The following PCF11 variants were observed in gnomAD, a reference collection of about 807,000 sequenced individuals.
PCF11 encodes pre-mRNA cleavage complex 2 protein Pcf11.
Under a neutral mutation model 166.1 loss-of-function variants are expected in PCF11, and 19 were observed. That is an observed-to-expected ratio of 0.11 (90% CI 0.08 to 0.17). The LOEUF is 0.17. PCF11 is among the 10% of genes least tolerant of loss of function. The pLI is 1.00. For synonymous variants in PCF11, 663 were observed against 644.1 expected, an observed-to-expected ratio of 1.03 and a Z score of -0.44; for missense variants, 1,565 against 1,855.5, an observed-to-expected ratio of 0.84 and a Z score of 2.88.
rs753860109 is a variant in PCF11 at position 83,157,514 on chromosome 11, G to T, written c.75G>T (p.Ser25=). Residue 25 remains serine (S), a synonymous_variant, in exon 1 of 16, where the codon TCG becomes TCT. Coordinates refer to ENST00000298281, the Ensembl canonical transcript of PCF11. ...ACGCCTGTCGGGATTATCAGTCATC[G>T]CTCGAAGACCTGACCTTCAATAGCA... The T allele has an allele frequency of 2.9e-5, 47 of 1,613,700 alleles. No homozygotes were observed. In the East Asian group the frequency reaches 9.1e-4, roughly 31 times the overall value.
intron 11 of PCF11, among the ~76,000 whole-genome samples, chr11:83,178,701 T>C (rs1213270214): frequency 6.6e-6 from 1 of 151,648 alleles, no homozygotes; most frequent in Non-Finnish European, 1.5e-5. Flanking sequence ...TAGTCCCAGC[T>C]ACTCGGGAGG....
chr11:83,159,060 T>C (rs1002691948), intron 1 of PCF11, among the ~76,000 whole-genome samples: 4 of 152,202 alleles, frequency 2.6e-5, no homozygotes, highest in African/African-American at 9.7e-5. Context: ...GGTGGTCCTT[T>C]CATAATTTAA....
chr11:83,163,352 T>C (rs571178654), intron 2 of PCF11, among the ~76,000 whole-genome samples: 2 of 152,304 alleles, frequency 1.3e-5, no homozygotes, highest in Non-Finnish European at 2.9e-5. Flanking sequence ...TTTTTTAGTT[T>C]TATATTTTCT....
chr11:83,181,863 G>C (rs1454154892), exon 13 of PCF11: 1 of 1,606,876 alleles, frequency 6.2e-7, no homozygotes, highest in Non-Finnish European at 8.5e-7. Flanking sequence ...GGACTGGATA[G>C]AATTTGAGGA....
At chr11:83,166,454 A>G in exon 5 of PCF11, 30 of 1,614,028 alleles carry the variant, frequency 1.9e-5, no homozygotes, top group Non-Finnish European at 2.5e-5. Context: ...CTAAAGCTGG[A>G]AAGATTCGCC....
intron 5 of PCF11, among the ~76,000 whole-genome samples, 155 bp downstream of exon 5, chr11:83,166,869 A>G (rs1054006774): frequency 9.9e-5 from 15 of 152,076 alleles, no homozygotes; most frequent in African/African-American, 1.4e-4. Flanking sequence ...TATTATTTCT[A>G]TTTTACAGAT....
At chr11:83,184,938 G>A in exon 16 of PCF11, 1 of 1,362,100 alleles carries the variant, frequency 7.3e-7, no homozygotes, top group Non-Finnish European at 1.0e-6. Flanking sequence ...AAAAGCTGCT[G>A]TTGGATCTAG....
chr11:83,167,216 C>T lies in PCF11; in HGVS notation c.1909C>T (p.Pro637Ser). The T allele has an allele frequency of 6.2e-7, 1 of 1,613,736 alleles. No individual in the cohort carries two copies. The highest frequency in any genetic ancestry group is 8.5e-7 in the Non-Finnish European group (1 of 1,179,696). Residue 637 changes from proline (P) to serine (S), a missense_variant, in exon 6 of 16, where the codon CCA (proline) becomes TCA (serine). By Grantham distance (74) the Pro-to-Ser change is moderately conservative. This residue lies in a region of PCF11 where 468 missense variants were observed against 483.4 expected (regional missense o/e 0.97). Coordinates refer to ENST00000298281, the Ensembl canonical transcript of PCF11. This position sits in a 1 kb window ranked among gnomAD's most constrained non-coding sequence, Gnocchi z 4.2. ...TAAAGGAATTTTATCACCTCGAGCC[C>T]CAAAGCAGCAACAGCATCGATTAAG...
At chr11:83,179,726 A>G (rs902748960) in intron 11 of PCF11, among the ~76,000 whole-genome samples, 1 of 151,924 alleles carries the variant, frequency 6.6e-6, no homozygotes, top group Non-Finnish European at 1.5e-5. Context: ...CAACATGGTA[A>G]CATGTCTCTA....
At position 83,181,414 on chromosome 11, in the gene PCF11, A is replaced by G. The variant is rs1018355423; in HGVS notation, c.4167+223A>G. Among the ~76,000 whole-genome samples, 6 of 150,840 alleles carry G rather than the reference A, an allele frequency of 4.0e-5. 1 individual carries two copies. The highest frequency in any genetic ancestry group is 5.9e-5 in the Non-Finnish European group (4 of 67,738). ...TTTTGAAGAGTATTTTTTTTTTTAA[A>G]TTAAGATTAGAGTATAGCATACAGG... On this transcript the variant is annotated intron_variant, in intron 12 of 15. Transcript: ENST00000298281.
chr11:83,163,524 A>C, intron 2 of PCF11, among the ~76,000 whole-genome samples, 155 bp from the exon 3 acceptor site: 1 of 152,140 alleles, frequency 6.6e-6, no homozygotes, highest in East Asian at 1.9e-4. Flanking sequence ...TTTGAAGGAG[A>C]AATGCACCTT....
intron 11 of PCF11, 90 bp from the exon 12 acceptor site, chr11:83,180,918 C>A: frequency 1.5e-6 from 1 of 664,560 alleles, no homozygotes; most frequent in Non-Finnish European, 2.5e-6. Context: ...ACCATTGTTA[C>A]AGTATGGAAA....
At chr11:83,165,774 A>G in exon 5 of PCF11, 1 of 1,613,190 alleles carries the variant, frequency 6.2e-7, no homozygotes, top group Non-Finnish European at 8.5e-7. Flanking sequence ...TTTAAAAGGA[A>G]CTAACCGGGA....
rs1347990174 is a variant in PCF11 at position 83,168,314 on chromosome 11, T to C, written c.2093-114T>C. 36 of 1,002,052 alleles carry C rather than the reference T, an allele frequency of 3.6e-5. 1 individual carries two copies. The highest frequency in any genetic ancestry group is 5.0e-5 in the Non-Finnish European group (35 of 705,106). 62.1% of individuals were successfully genotyped at this position (1,002,052 alleles called of 1,614,324 possible). ...CTTATCTGCTGCTTTACGCTGTCGG[T>C]CTCTCCTGCCCCTCTAATGTAGTGA... On this transcript the variant is annotated intron_variant, in intron 7 of 15. Transcript: ENST00000298281.
At chr11:83,184,592 T>A in intron 15 of PCF11, 87 bp from the exon 16 acceptor site, 1 of 860,404 alleles carries the variant, frequency 1.2e-6, no homozygotes, top group Non-Finnish European at 1.9e-6. Context: ...GTTCTCTTGT[T>A]CATACAAGGG....
chr11:83,184,057 CAGG>C (rs1289252333), intron 15 of PCF11: 1 of 145,856 alleles, frequency 6.9e-6, no homozygotes, highest in African/African-American at 2.6e-5. Context: ...GAGGCTGAGG[CAGG>C]AGAATTGTTT....
chr11:83,179,017 TGTGA>T (rs1394067564), intron 11 of PCF11, among the ~76,000 whole-genome samples: 1 of 152,138 alleles, frequency 6.6e-6, no homozygotes, highest in Non-Finnish European at 1.5e-5. Context: ...TCATTAATCC[TGTGA>T]GTACTTTATA....
chr11:83,161,834 G>A (rs1247186663), intron 2 of PCF11, among the ~76,000 whole-genome samples: 1 of 152,100 alleles, frequency 6.6e-6, no homozygotes, highest in Non-Finnish European at 1.5e-5. Context: ...GTTCTCTTGG[G>A]GGGGTAAAAA....
rs372184223 is a variant in PCF11, at chr11:83,157,664, C to A, written c.192+33C>A. On this transcript the variant is annotated intron_variant, in intron 1 of 15. Transcript: ENST00000298281. The stretch of plus-strand genomic sequence containing the variant: ...TACACCCCGCAGCCTCCTATTACTT[C>A]TAATACTCCCTGATTTTAGTGTCAG... The A allele has an allele frequency of 8.9e-6, 14 of 1,572,860 alleles. No individual in the cohort carries two copies. The African/African-American group carries it at 1.8e-4, about 20-fold the overall frequency.
Sources: gnomAD v4.1 joint callset for allele counts (sites outside exome capture counted in the v4.1 genomes callset) on GRCh38, gnomAD v4.1.1 for gene constraint, gnomAD v4.1.1 regional missense constraint, Gnocchi (gnomAD v3.1) non-coding constraint, MANE v1.5 for transcripts, NCBI Gene and HGNC (gene_info 2026-07-23, HGNC 2026-07-21) for gene names.